The following TMEM43 variants were observed in gnomAD, a reference collection of about 807,000 sequenced individuals.
The protein encoded by TMEM43 is arrhythmogenic right ventricular dysplasia 5.
Under a neutral mutation model 49.6 loss-of-function variants are expected in TMEM43, and 45 were observed. The ratio of observed to expected loss-of-function variants is 0.91; its 90% CI spans 0.71 to 1.16. The LOEUF (loss-of-function observed/expected upper bound fraction) is 1.16, where lower values mean the gene tolerates loss of function less well. Ranked by LOEUF, TMEM43 falls within the 50% of genes most tolerant of loss-of-function variation. The pLI, the probability that TMEM43 is intolerant of heterozygous loss-of-function variation, is 0.00. For synonymous variants in TMEM43, 199 were observed against 207.8 expected, an observed-to-expected ratio of 0.96 and a Z score of 0.36; for missense variants, 532 against 516.6, an observed-to-expected ratio of 1.03 and a Z score of -0.29.
At chr3:14,132,401 C>T (rs1695108292) in intron 4 of TMEM43, 145 bp from the exon 5 acceptor site, 1 of 800,368 alleles carries the variant, frequency 1.2e-6, no homozygotes, top group Non-Finnish European at 2.1e-6. Context: ...AGTGCCCTGT[C>T]TTGGGGCTGG....
At position 14,136,784 on chromosome 3, in the gene TMEM43, G is replaced by A. The variant is rs190761121; in HGVS notation, c.882+876G>A. On this transcript the variant is annotated intron_variant, in intron 10 of 11. Coordinates refer to ENST00000306077, the MANE Select transcript of TMEM43 (RefSeq NM_024334.3). ...AGGGTTTTGGGCCTCAGCTACCTGA[G>A]TATCCCTCTCCCATTGTAAATAGGG... 2.9e-5 allele frequency among the ~76,000 whole-genome samples: 4 copies of A among 138,770 alleles called. 1 individual carries two copies. In the East Asian group the frequency reaches 1.2e-3, roughly 41 times the overall value. 91.0% of individuals were successfully genotyped at this position (138,770 alleles called of 152,430 possible).
At chr3:14,133,630 G>T in intron 6 of TMEM43, 109 bp from the exon 7 acceptor site, 1 of 990,022 alleles carries the variant, frequency 1.0e-6, no homozygotes, top group Non-Finnish European at 1.6e-6. Context: ...GGCTAATCTG[G>T]ACTTGCAGGA....
At chr3:14,129,071 A>G (rs1021067088) in intron 1 of TMEM43, 7 of 433,494 alleles carry the variant, frequency 1.6e-5, no homozygotes, top group African/African-American at 1.2e-4. Context: ...TGTAGAAGAA[A>G]CAAACTAATC....
At chr3:14,135,786 A>G (rs756898896) in intron 9 of TMEM43, 21 bp from the exon 10 acceptor site, 1 of 1,606,732 alleles carries the variant, frequency 6.2e-7, no homozygotes, top group Non-Finnish European at 8.5e-7. Context: ...CCTCAGCTCT[A>G]ACACCAGGTC....
chr3:14,131,439 C>T, intron 3 of TMEM43, 141 bp from the exon 4 acceptor site: 1 of 740,382 alleles, frequency 1.4e-6, no homozygotes. Flanking sequence ...CGATTCTCCC[C>T]TGCAAAGCAG....
In TMEM43 at chr3:14,142,074, T is replaced by G. The variant is rs1413221030; in HGVS notation, c.*279T>G. On this transcript the variant is annotated 3_prime_UTR_variant, in exon 12 of 12. Coordinates refer to ENST00000306077, the MANE Select transcript of TMEM43 (RefSeq NM_024334.3). ...TTCTCCTGCTGTTTCCTTCCTCTCT[T>G]GGACTGAGTGGGTACGGCCAGCCAC... The G allele has an allele frequency of 6.1e-6, 3 of 492,836 alleles. No individual in the cohort carries two copies. Among genetic ancestry groups the G allele is most frequent in the Non-Finnish European group, 7.4e-6 (2 of 269,340 alleles). The allele number at this position is 492,836 out of a possible 1,614,324, so 30.5% of individuals were successfully genotyped here. A position where few individuals can be genotyped will look rare whatever the true frequency, so the allele number is the denominator to read the frequency against.
chr3:14,134,644 C>T, intron 7 of TMEM43, 126 bp from the exon 8 acceptor site: 1 of 1,253,502 alleles, frequency 8.0e-7, no homozygotes, highest in South Asian at 1.2e-5. Context: ...CAGAAAGAGG[C>T]ACTGCAGGTG....
intron 3 of TMEM43, among the ~76,000 whole-genome samples, chr3:14,131,258 G>C (rs577274886): frequency 4.6e-5 from 7 of 152,370 alleles, no homozygotes; most frequent in African/African-American, 1.7e-4. Context: ...TGATGACCAT[G>C]TGTGTCCAGT....
intron 7 of TMEM43, among the ~76,000 whole-genome samples, chr3:14,134,093 G>C (rs1200325298): frequency 6.6e-6 from 1 of 152,204 alleles, no homozygotes; most frequent in African/African-American, 2.4e-5. Context: ...GGTGTCTGCT[G>C]AGTAGACTCT....
At chr3:14,129,307 T>TAAAAAAAAAAAAAAAAA (rs10648308) in intron 1 of TMEM43, 105 bp from the exon 2 acceptor site, 5 of 380,668 alleles carry the variant, frequency 1.3e-5, no homozygotes, top group Admixed American at 1.2e-4. Flanking sequence ...CAGTTAAAAC[T>TAAAAAAAAAAAAAAAAA]AAAAAAAAAA....
At chr3:14,138,162 A>C (rs1032374151) in intron 10 of TMEM43, among the ~76,000 whole-genome samples, 1 of 152,162 alleles carries the variant, frequency 6.6e-6, no homozygotes, top group Admixed American at 6.5e-5. Context: ...AAAGCTCAAA[A>C]GAATATGTAG....
intron 2 of TMEM43, 99 bp downstream of exon 2, chr3:14,129,660 T>A: frequency 1.5e-6 from 2 of 1,338,870 alleles, no homozygotes; most frequent in South Asian, 1.2e-5. Flanking sequence ...ATCAAGGGCC[T>A]AGATTTTAAA....
intron 2 of TMEM43, 26 bp from the exon 3 acceptor site, chr3:14,130,796 A>T (rs750801458): frequency 6.2e-7 from 1 of 1,612,892 alleles, no homozygotes; most frequent in Non-Finnish European, 8.5e-7. Context: ...TGAGCTGTTG[A>T]AATCCCCACT....
Position 14,135,836 on chromosome 3 carries a change from C to G in TMEM43, c.810C>G (p.Asp270Glu). The G allele has an allele frequency of 6.2e-7, 1 of 1,613,846 alleles. No individual in the cohort carries two copies. Among genetic ancestry groups the G allele is most frequent in the Non-Finnish European group, 8.5e-7 (1 of 1,180,038 alleles). The change falls in exon 10 of 12, where the codon GAC becomes GAG. Residue 270 changes from aspartate to glutamate, a missense_variant. Coordinates refer to ENST00000306077, the MANE Select transcript of TMEM43 (RefSeq NM_024334.3). ...CTGTGATTGCCCGGCAGCGGGGTGA[C>G]CAGCTAGTCCCATTCTCCACCAAGT... ...VVTVIARQRGDQLVPFSTKSG... is the reference protein window; with the variant it reads ...VVTVIARQRGEQLVPFSTKSG...
At chr3:14,135,409 A>C (rs1695155824) in intron 9 of TMEM43, among the ~76,000 whole-genome samples, 177 bp downstream of exon 9, 1 of 152,076 alleles carries the variant, frequency 6.6e-6, no homozygotes, top group Non-Finnish European at 1.5e-5. Context: ...CCATGTCCCC[A>C]CAGCCATCCA....
chr3:14,125,106 G>A lies in TMEM43; in HGVS notation c.-88G>A. ...ACGCGGATTTTCGAAGCTGGGGCTGGCAAGAGGCCGCTGGACACCACGCTC... is the reference window on the plus strand; with the variant it reads ...ACGCGGATTTTCGAAGCTGGGGCTGACAAGAGGCCGCTGGACACCACGCTC... On this transcript the variant is annotated 5_prime_UTR_variant, in exon 1 of 12. Transcript: ENST00000306077. The A allele has an allele frequency of 6.4e-7, 1 of 1,559,764 alleles. No individual in the cohort carries two copies. The highest frequency in any genetic ancestry group is 2.3e-5 in the East Asian group (1 of 43,270).
intron 10 of TMEM43, among the ~76,000 whole-genome samples, chr3:14,138,240 C>T (rs112525488): frequency 2.0e-5 from 3 of 152,250 alleles, no homozygotes; most frequent in African/African-American, 7.2e-5. Context: ...GATACACAGG[C>T]GAGAGGACAC....
Position 14,141,710 on chromosome 3 carries a change from C to T in TMEM43, c.1118C>T (p.Pro373Leu). The T allele has an allele frequency of 6.2e-7, 1 of 1,614,206 alleles. No homozygotes were observed. Among genetic ancestry groups the T allele is most frequent in the Non-Finnish European group, 8.5e-7 (1 of 1,180,040 alleles). The change falls in exon 12 of 12, where the codon CCC (proline) becomes CTC (leucine). Residue 373 changes from proline to leucine, a missense_variant. Pro to Leu is a moderately conservative substitution (Grantham distance 98). Transcript: ENST00000306077. ...GCGGCTGGCTGGCTCTTCTACCGAC[C>T]CCTGTGGGCCCTCCTCATTGCCGGC... ...TVAAGWLFYR[P>L]LWALLIAGLA...
intron 4 of TMEM43, 71 bp downstream of exon 4, chr3:14,131,745 G>T: frequency 9.0e-7 from 1 of 1,114,374 alleles, no homozygotes. Context: ...ATAACATGCA[G>T]ATGTCTTTCA....
Sources: allele counts gnomAD v4.1 joint callset (sites outside exome capture counted in the v4.1 genomes callset), GRCh38; gene constraint gnomAD v4.1.1; transcripts MANE v1.5; gene names NCBI Gene and HGNC (gene_info 2026-07-23, HGNC 2026-07-21).